Variants in DTYMK observed in about 807,000 individuals in gnomAD.
DTYMK encodes the protein thymidylate kinase.
DTYMK carries 20 observed loss-of-function variants against 20.3 expected under a neutral mutation model. The ratio of observed to expected loss-of-function variants is 0.99; its 90% CI spans 0.69 to 1.43. DTYMK has a LOEUF of 1.43. Ranked by LOEUF, DTYMK falls within the 40% of genes most tolerant of loss-of-function variation. The pLI is 0.00. For missense variants in DTYMK, 320 were observed against 291.1 expected (o/e 1.10, Z -0.72); for synonymous variants, 148 against 124.4 (o/e 1.19, Z -1.27).
chr2:241,675,825 G>T lies in DTYMK; in HGVS notation c.*302C>A. ...GATTACCATTTACAGTGATCACAAT[G>T]AAACTGCTCAGAGTTATCACTGAAC... is the stretch of plus-strand genomic sequence containing the variant. On this transcript the variant is annotated 3_prime_UTR_variant, in exon 5 of 5. Transcript: ENST00000305784. 1 of 243,754 alleles carries T rather than the reference G, an allele frequency of 4.1e-6. No individual in the cohort carries two copies. The highest frequency in any genetic ancestry group is 7.8e-6 in the Non-Finnish European group (1 of 127,858). 15.1% of individuals were successfully genotyped at this position (243,754 alleles called of 1,614,324 possible).
chr2:241,680,215 C>A lies in DTYMK; in HGVS notation c.330+14G>T. ...CATCTGTGCTCGCCTGACAGGAGGC[C>A]AAGTGGCACTCACCTCCTTGGCACC... is the stretch of plus-strand genomic sequence containing the variant. On this transcript the variant is annotated intron_variant, in intron 3 of 4. Transcript: ENST00000305784. The A allele has an allele frequency of 6.2e-7, 1 of 1,613,796 alleles. No individual in the cohort carries two copies. The highest frequency in any genetic ancestry group is 8.5e-7 in the Non-Finnish European group (1 of 1,179,784).
intron 4 of DTYMK, 119 bp downstream of exon 4, chr2:241,678,333 C>T (rs2069162134): frequency 2.1e-6 from 3 of 1,424,034 alleles, no homozygotes; most frequent in South Asian, 1.3e-5. Context: ...CGGGGCTCCA[C>T]ATCTGGGAGG....
chr2:241,682,078 C>G (rs2069268710), intron 2 of DTYMK: 3 of 340,996 alleles, frequency 8.8e-6, no homozygotes, highest in South Asian at 4.3e-5. Flanking sequence ...GTGGCTCATG[C>G]CTCTAATCAC....
At chr2:241,678,703 C>G in intron 3 of DTYMK, 54 bp from the exon 4 acceptor site, 2 of 1,587,270 alleles carry the variant, frequency 1.3e-6, no homozygotes, top group East Asian at 2.3e-5. Context: ...GTTTTTGTTT[C>G]GAAAGTCGTA....
At chr2:241,676,988 C>T (rs2069131964) in intron 4 of DTYMK, among the ~76,000 whole-genome samples, 1 of 152,246 alleles carries the variant, frequency 6.6e-6, no homozygotes, top group South Asian at 2.1e-4. Flanking sequence ...AACAGCTGTG[C>T]TGCACAATGG....
intron 2 of DTYMK, chr2:241,684,724 T>G (rs1467750535): frequency 4.3e-6 from 2 of 467,682 alleles, no homozygotes; most frequent in South Asian, 3.1e-5. Context: ...ACATCAACAT[T>G]AAGTGTTGAA....
rs147464774 is a variant in DTYMK at position 241,678,495 on chromosome 2, C to T, written c.485G>A (p.Arg162Gln). 8.7e-6 allele frequency: 14 copies of T among 1,614,166 alleles called. No individual in the cohort carries two copies. Among genetic ancestry groups the T allele is most frequent in the East Asian group, 6.7e-5 (3 of 44,870 alleles). The stretch of plus-strand genomic sequence containing the variant: ...GTCTTTCATGAGCTGGTGGAAACAC[C>T]GGAGCGCCCGCTCCTGGAAAGCCCC... ...ENGAFQERAL[R>Q]CFHQLMKDTT... The change falls in exon 4 of 5, where the codon CGG becomes CAG. Residue 162 changes from arginine to glutamine, a missense_variant. Physicochemically the swap from Arg to Gln is conservative, Grantham distance 43 (BLOSUM62 1). Transcript: ENST00000305784.
At chr2:241,682,429 CTG>C (rs1375757700) in intron 2 of DTYMK, 2 of 319,340 alleles carry the variant, frequency 6.3e-6, no homozygotes, top group African/African-American at 2.2e-5. Context: ...TTATAAAGGA[CTG>C]TTATCTAAAG....
Position 241,676,161 on chromosome 2 carries a change from G to A in DTYMK, c.605C>T (p.Ala202Val). The stretch of plus-strand genomic sequence containing the variant: ...TAGCTCCCCCAGCGGCTTCTCTGTG[G>A]CAGTGCGGATGGCGTCCTCAGAGAG... ...RVLSEDAIRT[A>V]TEKPLGELWK Residue 202 changes from alanine (A) to valine (V), a missense_variant, in exon 5 of 5, where the codon GCC (alanine) becomes GTC (valine). Physicochemically the swap from Ala to Val is moderately conservative, Grantham distance 64 (BLOSUM62 0). Transcript: ENST00000305784. 6.2e-7 allele frequency: 1 copy of A among 1,612,896 alleles called. No individual in the cohort carries two copies. The highest frequency in any genetic ancestry group is 2.2e-5 in the East Asian group (1 of 44,826).
At chr2:241,681,698 A>G (rs2069261953) in intron 2 of DTYMK, among the ~76,000 whole-genome samples, 1 of 152,230 alleles carries the variant, frequency 6.6e-6, no homozygotes, top group African/African-American at 2.4e-5. Context: ...ATTAAGATGG[A>G]CTTCACGAAA....
intron 2 of DTYMK, chr2:241,685,550 T>A: frequency 2.4e-6 from 1 of 419,808 alleles, no homozygotes; most frequent in Non-Finnish European, 4.3e-6. Context: ...TGAAGTCTAT[T>A]AGTTATGGGG....
At position 241,686,780 on chromosome 2, in the gene DTYMK, C is replaced by T. The variant is rs1241131746; in HGVS notation, c.4G>A (p.Ala2Thr). 4.8e-6 allele frequency: 7 copies of T among 1,460,016 alleles called. No homozygotes were observed. The Middle Eastern group carries it at 8.4e-4, about 175-fold the overall frequency. The allele number at this position is 1,460,016 out of a possible 1,614,324, so 90.4% of individuals were successfully genotyped here. M[A>T]ARRGALIVLE... The stretch of plus-strand genomic sequence containing the variant: ...ACTATGAGAGCCCCGCGCCGGGCCG[C>T]CATGACTGTCCACCGCCCGCCGCTG... The change falls in exon 1 of 5, where the codon GCG becomes ACG. Residue 2 changes from alanine (A) to threonine (T), a missense_variant. Physicochemically the swap from Ala to Thr is moderately conservative, Grantham distance 58. Transcript: ENST00000305784.
chr2:241,686,603 G>C (rs758791909), intron 1 of DTYMK, 51 bp downstream of exon 1: 18 of 1,444,552 alleles, frequency 1.2e-5, no homozygotes, highest in Non-Finnish European at 1.4e-5. Flanking sequence ...GAGCCCCTGG[G>C]AAGGCAGAGG....
chr2:241,685,031 TAAAAAAAA>T (rs113063977), intron 2 of DTYMK: 35 of 144,872 alleles, frequency 2.4e-4, no homozygotes, highest in Non-Finnish European at 4.4e-5. Flanking sequence ...GACTCTACAT[TAAAAAAAA>T]AAAAAAAAAT....
intron 2 of DTYMK, among the ~76,000 whole-genome samples, chr2:241,682,508 C>A (rs565700628): frequency 6.6e-6 from 1 of 152,332 alleles, no homozygotes; most frequent in South Asian, 2.1e-4. Context: ...TGGGCCAAGG[C>A]TGGGCGTAAT....
chr2:241,678,391 C>T, intron 4 of DTYMK, 61 bp downstream of exon 4: 1 of 1,604,668 alleles, frequency 6.2e-7, no homozygotes, highest in Non-Finnish European at 8.5e-7. Context: ...GTGCCAGCCA[C>T]CACGGTGTCA....
In DTYMK at chr2:241,677,745, A is replaced by G. The variant is rs542924502; in HGVS notation, c.528+707T>C. Among the ~76,000 whole-genome samples, 949 of 152,274 alleles carry G rather than the reference A, an allele frequency of 6.2e-3. 12 individuals are homozygous for G. Among genetic ancestry groups the G allele is most frequent in the African/African-American group, 0.022 (901 of 41,556 alleles). ...GCCAGACCTGGGACTGCTGAGATTGAAGGAGGCAGGACTGAAGGGAGAGGC... is the reference window on the plus strand; with the variant it reads ...GCCAGACCTGGGACTGCTGAGATTGGAGGAGGCAGGACTGAAGGGAGAGGC... On this transcript the variant is annotated intron_variant, in intron 4 of 4. Transcript: ENST00000305784.
intron 3 of DTYMK, among the ~76,000 whole-genome samples, chr2:241,679,183 C>G (rs4675901): frequency 0.2 from 29,980 of 152,130 alleles, 3,284 homozygotes; most frequent in East Asian, 0.27. Context: ...AGGGCTGTGC[C>G]AGCACCCTCT....
At position 241,685,868 on chromosome 2, in the gene DTYMK, G is replaced by C. The variant is rs754427846; in HGVS notation, c.140C>G (p.Thr47Ser). 3 of 1,613,966 alleles carry C rather than the reference G, an allele frequency of 1.9e-6. No individual in the cohort carries two copies. In the African/African-American group the frequency reaches 4.0e-5, roughly 22 times the overall value. The change falls in exon 2 of 5, where the codon ACT (threonine) becomes AGT (serine). Residue 47 changes from threonine to serine, a missense_variant. Thr to Ser is a moderately conservative substitution (Grantham distance 58). Transcript: ENST00000305784. ...AELLRFPERS[T>S]EIGKLLSSYL... ...GGAACTCAGAAGTTTGCCGATTTCAGTTGATCTTTCTAGAAAAAAAGAGAA... is the reference window on the plus strand; with the variant it reads ...GGAACTCAGAAGTTTGCCGATTTCACTTGATCTTTCTAGAAAAAAAGAGAA...
Sources: allele counts gnomAD v4.1 joint callset (sites outside exome capture counted in the v4.1 genomes callset), GRCh38; gene constraint gnomAD v4.1.1; transcripts MANE v1.5; gene names NCBI Gene and HGNC (gene_info 2026-07-23, HGNC 2026-07-21).